Variants in KANK1 observed in about 807,000 individuals in gnomAD.
The protein encoded by KANK1 is KN motif and ankyrin repeat domain-containing protein 1.
KANK1 carries 109 observed loss-of-function variants against 106.2 expected under a neutral mutation model. The ratio of observed to expected loss-of-function variants is 1.03; its 90% CI spans 0.88 to 1.20. The LOEUF is 1.20. Among genes scored for constraint, KANK1 ranks in the 50% most tolerant of loss-of-function variants. The probability of loss-of-function intolerance (pLI) is 0.00; values close to 1 mark genes in which losing one functional copy is unlikely to be tolerated. For synonymous variants in KANK1, 873 were observed against 652.2 expected, an observed-to-expected ratio of 1.34 and a Z score of -5.16; for missense variants, 2,399 against 1,710.7, an observed-to-expected ratio of 1.40 and a Z score of -7.10.
At chr9:719,792 C>G (rs1828836278) in intron 3 of KANK1, among the ~76,000 whole-genome samples, 1 of 151,976 alleles carries the variant, frequency 6.6e-6, no homozygotes, top group Admixed American at 6.6e-5. Flanking sequence ...GTCACCCAGA[C>G]TAGAGTGCAG....
intron 1 of KANK1, among the ~76,000 whole-genome samples, chr9:514,704 G>A (rs56072524): frequency 0.28 from 42,685 of 151,248 alleles, 10,201 homozygotes; most frequent in African/African-American, 0.65. Flanking sequence ...GTCCATGAAC[G>A]TTAGGTTTCT....
At chr9:518,008 G>A (rs1367370528) in intron 1 of KANK1, among the ~76,000 whole-genome samples, 1 of 151,614 alleles carries the variant, frequency 6.6e-6, no homozygotes, top group Non-Finnish European at 1.5e-5. Context: ...AGAGTGCTGG[G>A]ATTACAGGCA....
chr9:731,104 A>T (rs1832118714), intron 4 of KANK1, 54 bp from the exon 5 acceptor site: 2 of 942,370 alleles, frequency 2.1e-6, no homozygotes, highest in African/African-American at 3.3e-5. Flanking sequence ...AAAAAAGATC[A>T]TTTAACATGT....
intron 3 of KANK1, among the ~76,000 whole-genome samples, chr9:475,911 G>T (rs192053846): frequency 6.6e-6 from 1 of 151,740 alleles, no homozygotes; most frequent in Non-Finnish European, 1.5e-5. Context: ...GGAGTGTAGC[G>T]TCGCCATCTC....
At chr9:591,994 G>T (rs947395393) in intron 1 of KANK1, among the ~76,000 whole-genome samples, 8 of 151,646 alleles carry the variant, frequency 5.3e-5, no homozygotes, top group African/African-American at 2.0e-4. Flanking sequence ...CTCTTTTCCT[G>T]TTTCCCCCTC....
chr9:489,916 A>T (rs560572270), intron 3 of KANK1, among the ~76,000 whole-genome samples: 1 of 152,166 alleles, frequency 6.6e-6, no homozygotes, highest in Admixed American at 6.6e-5. Context: ...CAATACCTCT[A>T]TGTCTGGGGG....
intron 2 of KANK1, among the ~76,000 whole-genome samples, chr9:684,976 G>T (rs907924825): frequency 3.3e-5 from 5 of 152,046 alleles, no homozygotes; most frequent in African/African-American, 1.2e-4. Flanking sequence ...CAGGAAATCA[G>T]ATTTTATAAG....
chr9:645,619 T>G lies in KANK1; in HGVS notation c.-83-31271T>G, dbSNP rs1372609724. Among the ~76,000 whole-genome samples the G allele has an allele frequency of 1.3e-5, 2 of 150,468 alleles. 1 individual carries two copies. Among genetic ancestry groups the G allele is most frequent in the African/African-American group, 5.0e-5 (2 of 39,938 alleles). On this transcript the variant is annotated intron_variant, in intron 1 of 11. Transcript: ENST00000382297. ...ACTTCAGGCTGGGCGTGGTGGCTCA[T>G]GCCTGTAATCCCAGCACTTTGTGAG... is the stretch of plus-strand genomic sequence containing the variant.
At chr9:518,411 T>A (rs1237024154) in intron 1 of KANK1, among the ~76,000 whole-genome samples, 1 of 151,530 alleles carries the variant, frequency 6.6e-6, no homozygotes, top group Non-Finnish European at 1.5e-5. Context: ...CCCAGGGCAG[T>A]TTTTACTTTA....
chr9:633,882 T>C (rs12056978), intron 1 of KANK1, among the ~76,000 whole-genome samples: 23,179 of 152,196 alleles, frequency 0.15, 1,948 homozygotes, highest in Admixed American at 0.17. Flanking sequence ...AACTCCTAGC[T>C]TCAAGTGATC....
At position 738,295 on chromosome 9, in the gene KANK1, T is replaced by C. The variant is rs1834333643; in HGVS notation, c.3344T>C (p.Leu1115Pro). The C allele has an allele frequency of 1.2e-6, 2 of 1,612,482 alleles. No homozygotes were observed. Among genetic ancestry groups the C allele is most frequent in the Non-Finnish European group, 1.7e-6 (2 of 1,179,304 alleles). ...ALTSKDMRFC[L>P]NTLQHEWFRV... is the part of the protein sequence containing the mutation. Reference sequence around the variant, plus strand: ...TTGGTGTTTTGGCAGAGGTTCTGTCTGAACACCCTCCAGCACGAGTGGTTC... The same window carrying C: ...TTGGTGTTTTGGCAGAGGTTCTGTCCGAACACCCTCCAGCACGAGTGGTTC... The change falls in exon 8 of 12, where the codon CTG (leucine) becomes CCG (proline). Residue 1115 changes from leucine (L) to proline (P), a missense_variant. Physicochemically the swap from Leu to Pro is moderately conservative, Grantham distance 98. Transcript: ENST00000382297.
chr9:569,618 G>C (rs1401811482), intron 1 of KANK1, among the ~76,000 whole-genome samples: 4 of 152,120 alleles, frequency 2.6e-5, no homozygotes, highest in African/African-American at 7.2e-5. Context: ...AAATTACCCA[G>C]TTTCAGGTAT....
chr9:683,829 G>C (rs1646433664), intron 2 of KANK1, among the ~76,000 whole-genome samples: 1 of 152,094 alleles, frequency 6.6e-6, no homozygotes, highest in Non-Finnish European at 1.5e-5. Context: ...CATTTAATTA[G>C]ATTATGCATT....
chr9:660,775 G>T (rs1343171355), intron 1 of KANK1, among the ~76,000 whole-genome samples: 1 of 152,160 alleles, frequency 6.6e-6, no homozygotes, highest in African/African-American at 2.4e-5. Context: ...GGGAGCCTTT[G>T]GTGGTCAAAG....
chr9:593,241 C>G (rs1482988799), intron 1 of KANK1, among the ~76,000 whole-genome samples: 1 of 151,784 alleles, frequency 6.6e-6, no homozygotes, highest in East Asian at 1.9e-4. Context: ...GATTATTATT[C>G]TTTTCCTTAT....
In KANK1 at chr9:545,384, A is replaced by G. The variant is rs376500066; in HGVS notation, c.-84+40630A>G. 2.6e-5 allele frequency among the ~76,000 whole-genome samples: 4 copies of G among 152,334 alleles called. No homozygotes were observed. The South Asian group carries it at 6.2e-4, about 24-fold the overall frequency. On this transcript the variant is annotated intron_variant, in intron 1 of 11. Transcript: ENST00000382297. Reference sequence around the variant, plus strand: ...ACCCTGCATTTGAAGTTCAGAAAAGAGAAAGAGCAGAATGAATTGAGTTCT... The same window carrying G: ...ACCCTGCATTTGAAGTTCAGAAAAGGGAAAGAGCAGAATGAATTGAGTTCT...
At chr9:659,627 G>A (rs751635416) in intron 1 of KANK1, among the ~76,000 whole-genome samples, 2 of 152,138 alleles carry the variant, frequency 1.3e-5, no homozygotes, top group African/African-American at 2.4e-5. Flanking sequence ...GCTGGGAAGC[G>A]TCAGGAAACT....
In KANK1 at chr9:519,773, G is replaced by A. The variant is rs76229240; in HGVS notation, c.-84+15019G>A. ...TGAGCTGTTGAGCCTTGTCGTCTTT[G>A]AACCTACTATTGTTCTCAATAAGGT... On this transcript the variant is annotated intron_variant, in intron 1 of 11. Transcript: ENST00000382297. 2.6e-5 allele frequency among the ~76,000 whole-genome samples: 4 copies of A among 151,806 alleles called. No individual in the cohort carries two copies. The East Asian group carries it at 7.7e-4, about 29-fold the overall frequency.
At chr9:686,704 G>A (rs1432706161) in intron 2 of KANK1, 2 of 945,110 alleles carry the variant, frequency 2.1e-6, no homozygotes, top group Non-Finnish European at 2.5e-6. Flanking sequence ...GAGGGGAAAT[G>A]GCAGCATCAC....
Sources: gnomAD v4.1 joint callset for allele counts (sites outside exome capture counted in the v4.1 genomes callset) on GRCh38, gnomAD v4.1.1 for gene constraint, MANE v1.5 for transcripts, NCBI Gene and HGNC (gene_info 2026-07-23, HGNC 2026-07-21) for gene names.